The following ELOVL5 variants were observed in gnomAD, a reference collection of about 807,000 sequenced individuals.
ELOVL5 encodes very long chain fatty acid elongase 5.
In ELOVL5, 8 loss-of-function variants were observed where a neutral mutation model predicts 38.6. The observed-to-expected ratio is 0.21, with a 90% CI of 0.12 to 0.37. The LOEUF (loss-of-function observed/expected upper bound fraction) is 0.37, where lower values mean the gene tolerates loss of function less well. Among genes scored for constraint, ELOVL5 ranks in the 10% least tolerant of loss-of-function variants. The pLI, the probability that ELOVL5 is intolerant of heterozygous loss-of-function variation, is 1.00. For synonymous variants in ELOVL5, 127 were observed against 133.7 expected (o/e 0.95, Z 0.34); for missense variants, 280 against 367.8 (o/e 0.76, Z 1.95).
intron 1 of ELOVL5, among the ~76,000 whole-genome samples, chr6:53,321,227 A>G (rs1768292881): frequency 6.6e-6 from 1 of 152,238 alleles, no homozygotes; most frequent in South Asian, 2.1e-4. Flanking sequence ...GACATTTCCA[A>G]ATAACGTTAC....
At chr6:53,335,167 A>G (rs1327865394) in intron 1 of ELOVL5, among the ~76,000 whole-genome samples, 2 of 152,130 alleles carry the variant, frequency 1.3e-5, no homozygotes, top group Non-Finnish European at 2.9e-5. Flanking sequence ...TCCCAACCAG[A>G]TTAGTACACT....
chr6:53,347,586 A>G (rs1582010956), intron 1 of ELOVL5, among the ~76,000 whole-genome samples: 1 of 152,170 alleles, frequency 6.6e-6, no homozygotes, highest in East Asian at 1.9e-4. Flanking sequence ...GTACAATTCT[A>G]TGAAGCACTT....
At position 53,270,743 on chromosome 6, in the gene ELOVL5, G is replaced by A. The variant is rs771472574; in HGVS notation, c.622-16C>T. ...CAAACTGAAGCTAGGGGAACAGAGG[G>A]GATGCAGCTGAACAGGGACAGTGCA... On this transcript the variant is annotated splice_polypyrimidine_tract_variant and intron_variant, in intron 6 of 7. Transcript: ENST00000304434. The A allele has an allele frequency of 1.3e-5, 21 of 1,614,066 alleles. No individual in the cohort carries two copies. In the East Asian group the frequency reaches 2.9e-4, roughly 22 times the overall value.
At chr6:53,312,735 A>AT (rs940829127) in intron 1 of ELOVL5, among the ~76,000 whole-genome samples, 1 of 152,178 alleles carries the variant, frequency 6.6e-6, no homozygotes, top group Non-Finnish European at 1.5e-5. Context: ...AAAAAGTTCA[A>AT]TTTTTTAAAA....
chr6:53,323,860 C>T (rs1309779113), intron 1 of ELOVL5, among the ~76,000 whole-genome samples: 2 of 152,106 alleles, frequency 1.3e-5, no homozygotes, highest in South Asian at 2.1e-4. Context: ...GGGCATGGGC[C>T]ACCGCACCCG....
At position 53,270,484 on chromosome 6, in the gene ELOVL5, C is replaced by T. The variant is rs1765878229; in HGVS notation, c.756+109G>A. 5 of 1,249,334 alleles carry T rather than the reference C, an allele frequency of 4.0e-6. No homozygotes were observed. In the African/African-American group the frequency reaches 6.0e-5, roughly 15 times the overall value. 77.4% of individuals were successfully genotyped at this position (1,249,334 alleles called of 1,614,324 possible). A position where few individuals can be genotyped will look rare whatever the true frequency, so the allele number is the denominator to read the frequency against. On this transcript the variant is annotated intron_variant, in intron 7 of 7. Coordinates refer to ENST00000304434, the MANE Select transcript of ELOVL5 (RefSeq NM_021814.5). Reference sequence around the variant, plus strand: ...CTTGTCATAGTGACTCCATTAGAGGCCAGAGCCTGTCACCCAGCAAGGGCT... The same window carrying T: ...CTTGTCATAGTGACTCCATTAGAGGTCAGAGCCTGTCACCCAGCAAGGGCT...
chr6:53,277,456 C>CA (rs1371176248), intron 3 of ELOVL5, among the ~76,000 whole-genome samples: 4 of 152,146 alleles, frequency 2.6e-5, no homozygotes, highest in African/African-American at 9.7e-5. Flanking sequence ...GCTTGAGTGC[C>CA]AGGCCCAGCA....
chr6:53,308,134 G>A (rs1462034413), intron 1 of ELOVL5, among the ~76,000 whole-genome samples: 2 of 151,474 alleles, frequency 1.3e-5, no homozygotes, highest in South Asian at 4.2e-4. Context: ...AAAGTTGTTT[G>A]GAAGAAGATG....
chr6:53,269,708 G>T (rs1765855106), intron 7 of ELOVL5, among the ~76,000 whole-genome samples: 1 of 152,172 alleles, frequency 6.6e-6, no homozygotes, highest in South Asian at 2.1e-4. Flanking sequence ...TGAACAAAGT[G>T]CTATGCTGCT....
At chr6:53,322,330 T>C (rs1376436762) in intron 1 of ELOVL5, among the ~76,000 whole-genome samples, 1 of 152,198 alleles carries the variant, frequency 6.6e-6, no homozygotes, top group East Asian at 1.9e-4. Context: ...TTTTTAATTA[T>C]ATATACAACG....
intron 1 of ELOVL5, among the ~76,000 whole-genome samples, chr6:53,322,277 A>G (rs556697343): frequency 5.3e-5 from 8 of 152,360 alleles, no homozygotes; most frequent in African/African-American, 1.9e-4. Context: ...CCAAATTTTT[A>G]AAGTATTTAA....
intron 3 of ELOVL5, among the ~76,000 whole-genome samples, chr6:53,278,688 T>C (rs1463183004): frequency 6.6e-6 from 1 of 152,088 alleles, no homozygotes; most frequent in Non-Finnish European, 1.5e-5. Flanking sequence ...TCGGTGCCAC[T>C]CCACTTGACC....
rs1358982864 is a variant in ELOVL5, at chr6:53,288,020, T to C, written c.246+3756A>G. 14 of 1,195,346 alleles carry C rather than the reference T, an allele frequency of 1.2e-5. No homozygotes were observed. In the Admixed American group the frequency reaches 1.6e-4, roughly 14 times the overall value. 74.0% of individuals were successfully genotyped at this position (1,195,346 alleles called of 1,614,324 possible). On this transcript the variant is annotated intron_variant, in intron 3 of 7. Transcript: ENST00000304434. The stretch of plus-strand genomic sequence containing the variant: ...CACAGCAGGAGAAGAGTAGACACAT[T>C]GAATGGCTTCACATGAGGACAGAGC...
chr6:53,344,130 C>CA (rs1292258994), intron 1 of ELOVL5, among the ~76,000 whole-genome samples: 1 of 152,010 alleles, frequency 6.6e-6, no homozygotes, highest in East Asian at 1.9e-4. Flanking sequence ...GAAAGGCAAC[C>CA]AAAAAAATAG....
At chr6:53,325,146 G>A (rs1768486012) in intron 1 of ELOVL5, among the ~76,000 whole-genome samples, 1 of 152,148 alleles carries the variant, frequency 6.6e-6, no homozygotes, top group South Asian at 2.1e-4. Context: ...AGTTTTCAGG[G>A]AGGTTGCTTC....
intron 7 of ELOVL5, among the ~76,000 whole-genome samples, chr6:53,270,175 T>C (rs1009987233): frequency 6.6e-6 from 1 of 152,182 alleles, no homozygotes; most frequent in African/African-American, 2.4e-5. Context: ...AGACTGAATG[T>C]ATAAGAAAGC....
chr6:53,287,156 C>A (rs1766602391), intron 3 of ELOVL5, among the ~76,000 whole-genome samples: 1 of 152,084 alleles, frequency 6.6e-6, no homozygotes. Flanking sequence ...AAATTTTTTT[C>A]TTTCAAAATT....
Position 53,273,272 on chromosome 6 carries a change from G to A in ELOVL5, c.569C>T (p.Pro190Leu). 6.2e-7 allele frequency: 1 copy of A among 1,613,888 alleles called. No homozygotes were observed. The highest frequency in any genetic ancestry group is 8.5e-7 in the Non-Finnish European group (1 of 1,179,824). Residue 190 changes from proline (P) to leucine (L), a missense_variant, in exon 6 of 8, where the codon CCT becomes CTT. By Grantham distance (98) the Pro-to-Leu change is moderately conservative (BLOSUM62 -3). This residue lies in a region of ELOVL5 where 125 missense variants were observed against 158.9 expected (regional missense o/e 0.79). Coordinates refer to ENST00000304434, the MANE Select transcript of ELOVL5 (RefSeq NM_021814.5). ...CCACCAGAGGTATGGACGCATGGAA[G>A]GGACTGACGACAAACCATAGTAAGA... ...MYSYYGLSSV[P>L]SMRPYLWWKK...
intron 1 of ELOVL5, among the ~76,000 whole-genome samples, chr6:53,325,273 A>C (rs993077062): frequency 1.3e-5 from 2 of 152,210 alleles, no homozygotes; most frequent in African/African-American, 2.4e-5. Context: ...AGCCAAAGAG[A>C]ATCATGTATG....
Sources: allele counts gnomAD v4.1 joint callset (sites outside exome capture counted in the v4.1 genomes callset), GRCh38; gene constraint gnomAD v4.1.1; regional missense constraint gnomAD v4.1.1; transcripts MANE v1.5; gene names NCBI Gene and HGNC (gene_info 2026-07-23, HGNC 2026-07-21).